RANBP17: variants seen among roughly 807,000 people sequenced by gnomAD.
RANBP17 encodes the protein RAN binding protein 17, also known as ran-binding protein 17.
A neutral mutation model predicts 141.2 loss-of-function variants in RANBP17; 158 were observed. That is an observed-to-expected ratio of 1.12 (90% confidence interval 0.98 to 1.28). The LOEUF (loss-of-function observed/expected upper bound fraction) is 1.28, where lower values mean the gene tolerates loss of function less well. RANBP17 is among the 50% of genes most tolerant of loss of function. The pLI is 0.00. For missense variants in RANBP17, 1,438 were observed against 1,290.7 expected (o/e 1.11, Z -1.75); for synonymous variants, 430 against 450.0 (o/e 0.96, Z 0.56).
intron 13 of RANBP17, among the ~76,000 whole-genome samples, chr5:170,955,668 A>ATGTTCAGTGTG (rs70982315): frequency 1.5e-5 from 1 of 64,788 alleles, no homozygotes; most frequent in Non-Finnish European, 3.1e-5. Context: ...ATATATATAT[A>ATGTTCAGTGTG]TATATATATA....
intron 13 of RANBP17, among the ~76,000 whole-genome samples, chr5:170,962,975 A>G (rs1776260109): frequency 6.6e-6 from 1 of 152,142 alleles, no homozygotes; most frequent in Admixed American, 6.5e-5. Flanking sequence ...AAAGGAGGGG[A>G]AAGTAGTTAT....
At chr5:171,057,663 G>C (rs1783491598) in intron 14 of RANBP17, among the ~76,000 whole-genome samples, 1 of 25,706 alleles carries the variant, frequency 3.9e-5, no homozygotes, top group African/African-American at 6.9e-5. Flanking sequence ...AATTTATAAA[G>C]CTTCATTGAT....
At chr5:171,191,798 A>T (rs1433308225) in intron 18 of RANBP17, among the ~76,000 whole-genome samples, 1 of 152,246 alleles carries the variant, frequency 6.6e-6, no homozygotes, top group Non-Finnish European at 1.5e-5. Context: ...ACTTTTACTA[A>T]ACTATTACTT....
intron 25 of RANBP17, among the ~76,000 whole-genome samples, chr5:171,276,451 A>G (rs1767489565): frequency 6.6e-6 from 1 of 152,248 alleles, no homozygotes; most frequent in Non-Finnish European, 1.5e-5. Flanking sequence ...TTTGGAATAC[A>G]TAAGCCACGT....
At chr5:171,256,866 GA>G (rs1765931806) in intron 24 of RANBP17, among the ~76,000 whole-genome samples, 1 of 151,794 alleles carries the variant, frequency 6.6e-6, no homozygotes, top group Non-Finnish European at 1.5e-5. Flanking sequence ...GGAAGAAATA[GA>G]AGTCCTGAAC....
chr5:171,159,793 G>A (rs769550745), intron 14 of RANBP17, among the ~76,000 whole-genome samples: 2 of 151,590 alleles, frequency 1.3e-5, no homozygotes, highest in Non-Finnish European at 2.9e-5. Flanking sequence ...CGTGGTGGCA[G>A]TCGCCTGTGG....
chr5:171,166,246 T>C (rs553085186), intron 14 of RANBP17, among the ~76,000 whole-genome samples: 28 of 152,184 alleles, frequency 1.8e-4, no homozygotes, highest in African/African-American at 6.3e-4. Context: ...TATATAAAAC[T>C]CATAACCAAA....
chr5:171,042,456 G>A (rs1052271740), intron 14 of RANBP17, among the ~76,000 whole-genome samples: 2 of 152,052 alleles, frequency 1.3e-5, no homozygotes, highest in South Asian at 2.1e-4. Context: ...GCTTTTGTAC[G>A]TCATGGCTAC....
intron 18 of RANBP17, among the ~76,000 whole-genome samples, chr5:171,194,639 G>T (rs953770954): frequency 1.3e-5 from 2 of 152,036 alleles, no homozygotes; most frequent in East Asian, 1.9e-4. Context: ...TCTACCTTTG[G>T]TTATTATGAA....
At chr5:170,992,110 G>A (rs1778548960) in intron 14 of RANBP17, among the ~76,000 whole-genome samples, 1 of 151,968 alleles carries the variant, frequency 6.6e-6, no homozygotes, top group Admixed American at 6.6e-5. Flanking sequence ...CTTCTGGCCT[G>A]ATGAAATCTG....
At position 170,902,273 on chromosome 5, in the gene RANBP17, T is replaced by G. The variant is rs370368291; in HGVS notation, c.489+6158T>G. On this transcript the variant is annotated intron_variant, in intron 5 of 27. Coordinates refer to ENST00000523189, the MANE Select transcript of RANBP17 (RefSeq NM_022897.5). ...CTTCACACTTTATTTCATTAAGTTG[T>G]TATTAATCTCTGATATCCTTTCTTC... 4.0e-4 allele frequency among the ~76,000 whole-genome samples: 61 copies of G among 152,274 alleles called. 1 individual carries two copies. In the South Asian group the frequency reaches 0.012, roughly 31 times the overall value.
At position 171,171,799 on chromosome 5, in the gene RANBP17, A is replaced by G. The variant is rs192664901; in HGVS notation, c.1865+513A>G. On this transcript the variant is annotated intron_variant, in intron 16 of 27. Transcript: ENST00000523189. ...TAATACAAAGAAAATAAGTTTTTTG[A>G]CCATTTCTTTGATTATTGCCCCCAC... Among the ~76,000 whole-genome samples the G allele has an allele frequency of 5.6e-3, 856 of 152,038 alleles. 5 individuals carry two copies. The highest frequency in any genetic ancestry group is 8.6e-3 in the Non-Finnish European group (583 of 67,822).
chr5:170,968,655 T>G (rs1776768362), intron 14 of RANBP17: 2 of 498,346 alleles, frequency 4.0e-6, no homozygotes, highest in Middle Eastern at 3.1e-4. Flanking sequence ...CAATTTTGCC[T>G]TATTGTATTT....
intron 21 of RANBP17, among the ~76,000 whole-genome samples, chr5:171,215,539 G>C (rs574200252): frequency 2.1e-4 from 32 of 152,224 alleles, no homozygotes; most frequent in Non-Finnish European, 4.1e-4. Context: ...AAGCATTCCT[G>C]TTTCTCCACA....
chr5:171,006,815 G>C (rs1366894379), intron 14 of RANBP17, among the ~76,000 whole-genome samples: 1 of 151,772 alleles, frequency 6.6e-6, no homozygotes, highest in Admixed American at 6.6e-5. Context: ...TCTAAGGGTT[G>C]CTGCTAAGCG....
intron 14 of RANBP17, among the ~76,000 whole-genome samples, chr5:171,078,444 C>A (rs1785072531): frequency 6.6e-6 from 1 of 152,140 alleles, no homozygotes; most frequent in Admixed American, 6.5e-5. Context: ...GCATGAGCCA[C>A]CATGCCTGAC....
chr5:171,241,495 T>G (rs1764876000), intron 23 of RANBP17, among the ~76,000 whole-genome samples: 1 of 152,134 alleles, frequency 6.6e-6, no homozygotes, highest in Non-Finnish European at 1.5e-5. Context: ...AAGAAATGCT[T>G]CTTGATCTCC....
At chr5:171,228,544 A>G (rs779686987) in intron 22 of RANBP17, among the ~76,000 whole-genome samples, 7 of 152,252 alleles carry the variant, frequency 4.6e-5, no homozygotes, top group Non-Finnish European at 8.8e-5. Flanking sequence ...ATAAAGTGGC[A>G]GCAGAGTTTG....
At position 170,884,009 on chromosome 5, in the gene RANBP17, G is replaced by A. The variant is rs534878909; in HGVS notation, c.256+2113G>A. On this transcript the variant is annotated intron_variant, in intron 3 of 27. Coordinates refer to ENST00000523189, the MANE Select transcript of RANBP17 (RefSeq NM_022897.5). ...GGATTATATGTTAAGAGTGTGTTCA[G>A]TTTTGTAAGAAACCACCACACTGTC... 2.0e-5 allele frequency among the ~76,000 whole-genome samples: 3 copies of A among 152,254 alleles called. No individual in the cohort carries two copies. The South Asian group carries it at 6.2e-4, about 32-fold the overall frequency.
Sources: gnomAD v4.1 joint callset for allele counts (sites outside exome capture counted in the v4.1 genomes callset) on GRCh38, gnomAD v4.1.1 for gene constraint, MANE v1.5 for transcripts, NCBI Gene and HGNC (gene_info 2026-07-23, HGNC 2026-07-21) for gene names.